TRIM34: variants seen among roughly 807,000 people sequenced by gnomAD.
TRIM34 encodes tripartite motif containing 34, also known as E3 ubiquitin-protein ligase TRIM34.
A neutral mutation model predicts 38.1 loss-of-function variants in TRIM34; 41 were observed. That is an observed-to-expected ratio of 1.08 (90% CI 0.84 to 1.40). TRIM34 has a LOEUF of 1.40. Among genes scored for constraint, TRIM34 ranks in the 40% most tolerant of loss-of-function variants. TRIM34 has a pLI of 0.00. For missense variants in TRIM34, 556 were observed against 571.4 expected (o/e 0.97, Z 0.27); for synonymous variants, 200 against 202.5 (o/e 0.99, Z 0.10).
At chr11:5,628,789 A>G (rs1463321350) in intron 1 of TRIM34, among the ~76,000 whole-genome samples, 1 of 148,480 alleles carries the variant, frequency 6.7e-6, no homozygotes, top group African/African-American at 2.4e-5. Flanking sequence ...TCCAAAACCA[A>G]GATGGCGGCA....
Position 5,633,850 on chromosome 11 carries a change from A to C in TRIM34, c.470A>C (p.Glu157Ala). Residue 157 changes from glutamate to alanine, a missense_variant, in exon 3 of 8, where the codon GAA (glutamate) becomes GCA (alanine). Glu to Ala is a moderately radical substitution (Grantham distance 107). Coordinates refer to ENST00000429814, the MANE Select transcript of TRIM34 (RefSeq NM_021616.6). ...AAGAGGCTGAAGAAGGAAGAGGAGG[A>C]AGCTGAGAAGCTGGAAGCTGACATC... The part of the protein sequence containing the change: ...VLKRLKKEEE[E>A]AEKLEADIRE... The C allele has an allele frequency of 6.2e-7, 1 of 1,614,104 alleles. No individual in the cohort carries two copies.
chr11:5,626,768 G>A (rs1334475046), intron 1 of TRIM34: 1 of 152,156 alleles, frequency 6.6e-6, no homozygotes, highest in Non-Finnish European at 1.5e-5. Context: ...TGTAGTCCCA[G>A]CTACTCGGGA....
upstream of TRIM34, among the ~76,000 whole-genome samples, chr11:5,622,553 G>C (rs1306135800): frequency 6.6e-6 from 1 of 152,094 alleles, no homozygotes; most frequent in African/African-American, 2.4e-5. Context: ...GGGAGGCGGA[G>C]GTTGCGGTGA....
At chr11:5,629,034 T>G (rs1019725940) in intron 1 of TRIM34, among the ~76,000 whole-genome samples, 5 of 152,126 alleles carry the variant, frequency 3.3e-5, no homozygotes, top group Non-Finnish European at 7.4e-5. Context: ...CCCAGCACTT[T>G]GGGAGGCCGA....
intron 2 of TRIM34, 66 bp downstream of exon 2, chr11:5,632,820 T>TC: frequency 1.7e-6 from 2 of 1,184,314 alleles, no homozygotes; most frequent in Non-Finnish European, 1.1e-6. Flanking sequence ...CACCTTTTCA[T>TC]CCTTTTTTTT....
rs565797014 is a variant in TRIM34 at position 5,632,868 on chromosome 11, C to T, written c.423+114C>T. ...TTGAGACAGAGTCTCACTCTGTCGC[C>T]CAGGCTGGAGTGCAGTGGCGTGCTC... On this transcript the variant is annotated intron_variant, in intron 2 of 7. Coordinates refer to ENST00000429814, the MANE Select transcript of TRIM34 (RefSeq NM_021616.6). The T allele has an allele frequency of 4.0e-5, 55 of 1,371,140 alleles. 1 individual carries two copies. The South Asian group carries it at 8.3e-4, about 21-fold the overall frequency. The allele number at this position is 1,371,140 out of a possible 1,614,324, so 84.9% of individuals were successfully genotyped here.
At chr11:5,622,638 TA>T (rs59287938), upstream of TRIM34, among the ~76,000 whole-genome samples, 99,345 of 151,470 alleles carry the variant, frequency 0.66, 33,397 homozygotes, top group East Asian at 0.92. Context: ...AACAAACAAA[TA>T]AAAAAAACCG....
upstream of TRIM34, among the ~76,000 whole-genome samples, chr11:5,622,001 G>T (rs1010441336): frequency 1.3e-5 from 2 of 152,184 alleles, no homozygotes; most frequent in Non-Finnish European, 2.9e-5. Context: ...CATGTCTTCA[G>T]CCTTGGTAAA....
chr11:5,633,993 G>A, intron 3 of TRIM34, 94 bp downstream of exon 3: 1 of 1,359,738 alleles, frequency 7.4e-7, no homozygotes, highest in Non-Finnish European at 1.0e-6. Flanking sequence ...GACATTGCAT[G>A]AGTCCTGAAG....
upstream of TRIM34, among the ~76,000 whole-genome samples, chr11:5,621,025 C>T (rs569856879): frequency 5.9e-5 from 9 of 152,260 alleles, 1 homozygote; most frequent in South Asian, 1.9e-3. Flanking sequence ...GTGGGGGAAG[C>T]GATTCCAAGT....
intron 4 of TRIM34, among the ~76,000 whole-genome samples, chr11:5,635,357 G>A (rs975940256): frequency 1.3e-5 from 2 of 149,990 alleles, no homozygotes; most frequent in Non-Finnish European, 2.9e-5. Flanking sequence ...CCAGGTTCAC[G>A]CCATTCTCCT....
chr11:5,632,604 G>C lies in TRIM34; in HGVS notation c.273G>C (p.Gly91=). 1 of 1,613,596 alleles carries C rather than the reference G, an allele frequency of 6.2e-7. No homozygotes were observed. Among genetic ancestry groups the C allele is most frequent in the Non-Finnish European group, 8.5e-7 (1 of 1,179,918 alleles). ...AGGTCAAGTTGAGCCCAGACAATGGGAAGAAGAGAGATCTCTGTGATCATC... is the reference window on the plus strand; with the variant it reads ...AGGTCAAGTTGAGCCCAGACAATGGCAAGAAGAGAGATCTCTGTGATCATC... ...LKEVKLSPDN[G]KKRDLCDHHG... is the part of the protein sequence containing the mutation. The change falls in exon 2 of 8, where the codon GGG becomes GGC. Residue 91 remains glycine (G), a synonymous_variant. Transcript: ENST00000429814.
chr11:5,643,738 T>G lies in TRIM34; in HGVS notation c.*29T>G, dbSNP rs767991006. The stretch of plus-strand genomic sequence containing the variant: ...TTCTCATTTCTTCACCTACAACCCT[T>G]TGTCTTGACTTATCTCCTGCAACTG... On this transcript the variant is annotated 3_prime_UTR_variant, in exon 8 of 8. Coordinates refer to ENST00000429814, the MANE Select transcript of TRIM34 (RefSeq NM_021616.6). 5.2e-6 allele frequency: 8 copies of G among 1,541,406 alleles called. No individual in the cohort carries two copies. In the Admixed American group the frequency reaches 6.4e-5, roughly 12 times the overall value.
chr11:5,639,818 G>A (rs1849925902), intron 4 of TRIM34, among the ~76,000 whole-genome samples: 2 of 150,330 alleles, frequency 1.3e-5, no homozygotes, highest in Middle Eastern at 3.4e-3. Context: ...TTCCAATATA[G>A]AAGCTTTTTT....
At chr11:5,633,134 G>A (rs1265857441) in intron 2 of TRIM34, among the ~76,000 whole-genome samples, 2 of 136,810 alleles carry the variant, frequency 1.5e-5, no homozygotes, top group Admixed American at 7.9e-5. Flanking sequence ...CACCATGCCC[G>A]GCCTTTTCTT....
intron 4 of TRIM34, among the ~76,000 whole-genome samples, chr11:5,635,973 C>T (rs550594691): frequency 6.6e-6 from 1 of 152,230 alleles, no homozygotes; most frequent in Non-Finnish European, 1.5e-5. Flanking sequence ...GGAAAAACTG[C>T]TTGGCAGTTG....
chr11:5,625,620 C>A (rs750571147), intron 1 of TRIM34, among the ~76,000 whole-genome samples: 1 of 152,144 alleles, frequency 6.6e-6, no homozygotes, highest in Non-Finnish European at 1.5e-5. Context: ...GCCATCCTCA[C>A]GTATTCTTAG....
At chr11:5,640,176 G>C (rs1849944997) in intron 4 of TRIM34, among the ~76,000 whole-genome samples, 1 of 152,142 alleles carries the variant, frequency 6.6e-6, no homozygotes, top group South Asian at 2.1e-4. Context: ...AGTAGTGAGA[G>C]CAAACATCCT....
chr11:5,640,331 T>G (rs923833122), intron 4 of TRIM34, among the ~76,000 whole-genome samples: 13 of 152,182 alleles, frequency 8.5e-5, no homozygotes, highest in Non-Finnish European at 1.8e-4. Context: ...TTTGTTTTGT[T>G]TTTTTTATGA....
Sources: gnomAD v4.1 joint callset for allele counts (sites outside exome capture counted in the v4.1 genomes callset) on GRCh38, gnomAD v4.1.1 for gene constraint, MANE v1.5 for transcripts, NCBI Gene and HGNC (gene_info 2026-07-23, HGNC 2026-07-21) for gene names.